LEMD1: variants seen among roughly 807,000 people sequenced by gnomAD.
The protein encoded by LEMD1 is LEM domain-containing protein 1.
A neutral mutation model predicts 17.4 loss-of-function variants in LEMD1; 18 were observed. The ratio of observed to expected loss-of-function variants is 1.04; its 90% confidence interval spans 0.72 to 1.54. The LOEUF is 1.54. LEMD1 is among the 40% of genes most tolerant of loss of function. The pLI is 0.00. For synonymous variants in LEMD1, 88 were observed against 77.8 expected (o/e 1.13, Z -0.69); for missense variants, 195 against 210.4 (o/e 0.93, Z 0.45).
intron 1 of LEMD1, among the ~76,000 whole-genome samples, chr1:205,443,698 T>A (rs1666335244): frequency 6.6e-6 from 1 of 152,102 alleles, no homozygotes; most frequent in Non-Finnish European, 1.5e-5. Context: ...TCTAACAGGG[T>A]CTCTAAAAGG....
At position 205,433,274 on chromosome 1, in the gene LEMD1, T is replaced by C. The variant is rs567386019; in HGVS notation, c.-38-12700A>G. ...GTGTTCGAGACCAGCCTGACCAACA[T>C]GGTGAAACCCCGTCTCTACTAAAAA... is the stretch of plus-strand genomic sequence containing the variant. On this transcript the variant is annotated intron_variant, in intron 1 of 3. Coordinates refer to the LEMD1 transcript ENST00000367154. Among the ~76,000 whole-genome samples, 66 of 152,180 alleles carry C rather than the reference T, an allele frequency of 4.3e-4. 1 individual carries two copies. The highest frequency in any genetic ancestry group is 3.4e-3 in the Middle Eastern group (1 of 294).
intron 4 of LEMD1, among the ~76,000 whole-genome samples, chr1:205,415,093 A>G (rs886375874): frequency 6.6e-6 from 1 of 152,166 alleles, no homozygotes; most frequent in African/African-American, 2.4e-5. Flanking sequence ...GGATAAACCC[A>G]GGCCGCAGAT....
chr1:205,381,975 C>A (rs1376063288), intron 5 of LEMD1, 119 bp from the exon 6 acceptor site: 10 of 864,768 alleles, frequency 1.2e-5, no homozygotes, highest in Non-Finnish European at 1.9e-5. Context: ...TTAGAGGTAG[C>A]CTCTCCTTAC....
chr1:205,419,409 C>G, intron 2 of LEMD1, 57 bp from the exon 3 acceptor site: 1 of 1,579,406 alleles, frequency 6.3e-7, no homozygotes, highest in Non-Finnish European at 8.7e-7. Flanking sequence ...TATGAGCCTA[C>G]TAGGTTCAAG....
intron 4 of LEMD1, among the ~76,000 whole-genome samples, chr1:205,395,080 A>T (rs941919493): frequency 6.6e-6 from 1 of 152,138 alleles, no homozygotes; most frequent in African/African-American, 2.4e-5. Flanking sequence ...TATATAAGTG[A>T]TATTATGTCT....
At chr1:205,420,795 T>C (rs1008455207) in intron 1 of LEMD1, among the ~76,000 whole-genome samples, 1 of 152,222 alleles carries the variant, frequency 6.6e-6, no homozygotes, top group Non-Finnish European at 1.5e-5. Context: ...CCAGTGTCTT[T>C]AGGGCTCAAT....
intron 1 of LEMD1, among the ~76,000 whole-genome samples, chr1:205,442,076 T>C (rs1030502370): frequency 6.6e-6 from 1 of 152,062 alleles, no homozygotes; most frequent in African/African-American, 2.4e-5. Context: ...CCTGGGCCTA[T>C]GGAAAGGGAG....
intron 4 of LEMD1, among the ~76,000 whole-genome samples, chr1:205,396,598 T>A (rs377332477): frequency 0.21 from 32,256 of 151,978 alleles, 3,564 homozygotes; most frequent in Middle Eastern, 0.28. Context: ...TAATTCTATA[T>A]AGCAGTGAAA....
chr1:205,389,935 A>G (rs1664246902), intron 4 of LEMD1, among the ~76,000 whole-genome samples: 2 of 152,342 alleles, frequency 1.3e-5, no homozygotes, highest in Middle Eastern at 3.4e-3. Context: ...TTTTATTTAA[A>G]ACGTTGTGTT....
upstream of LEMD1, among the ~76,000 whole-genome samples, chr1:205,424,489 A>C (rs1666030547): frequency 6.6e-6 from 1 of 152,222 alleles, no homozygotes; most frequent in Non-Finnish European, 1.5e-5. Flanking sequence ...GGAGAGGTAG[A>C]GGAGACTACA....
upstream of LEMD1, among the ~76,000 whole-genome samples, chr1:205,424,928 G>A (rs1286143919): frequency 6.6e-6 from 1 of 152,214 alleles, no homozygotes; most frequent in Non-Finnish European, 1.5e-5. Context: ...ACTCCTTGGA[G>A]GTTATTACAA....
At chr1:205,390,562 T>C (rs768421309) in intron 4 of LEMD1, among the ~76,000 whole-genome samples, 3 of 152,058 alleles carry the variant, frequency 2.0e-5, no homozygotes, top group Non-Finnish European at 4.4e-5. Context: ...GCCAGCACAG[T>C]AAAACAAAAA....
At chr1:205,389,728 A>T (rs1025292277) in intron 4 of LEMD1, among the ~76,000 whole-genome samples, 2 of 152,270 alleles carry the variant, frequency 1.3e-5, no homozygotes, top group Non-Finnish European at 2.9e-5. Context: ...ACACTTTTAC[A>T]AATGACATAG....
intron 4 of LEMD1, among the ~76,000 whole-genome samples, chr1:205,389,088 G>A (rs560031606): frequency 2.6e-5 from 3 of 116,246 alleles, no homozygotes; most frequent in Non-Finnish European, 4.9e-5. Flanking sequence ...TTGCTCTGTC[G>A]CCCAGGCTGG....
At chr1:205,418,700 G>A (rs1043485551) in intron 3 of LEMD1, among the ~76,000 whole-genome samples, 7 of 152,160 alleles carry the variant, frequency 4.6e-5, no homozygotes, top group Non-Finnish European at 7.3e-5. Context: ...ATTTTTAGTA[G>A]AGACGAGGTT....
chr1:205,388,082 C>A (rs1197526615), intron 4 of LEMD1, among the ~76,000 whole-genome samples: 1 of 152,236 alleles, frequency 6.6e-6, no homozygotes, highest in East Asian at 1.9e-4. Flanking sequence ...GCCCCACAGT[C>A]CCTGCCCATA....
chr1:205,423,781 G>GT (rs1157056940), upstream of LEMD1, among the ~76,000 whole-genome samples: 1 of 152,104 alleles, frequency 6.6e-6, no homozygotes, highest in Admixed American at 6.5e-5. Context: ...GCATTAGCTT[G>GT]TTTTTTATTT....
chr1:205,414,937 G>C (rs1665622769), intron 4 of LEMD1, among the ~76,000 whole-genome samples: 1 of 152,152 alleles, frequency 6.6e-6, no homozygotes. Flanking sequence ...AGCAGCAGGG[G>C]GAAGAGACAG....
Position 205,381,539 on chromosome 1 carries a change from G to T in LEMD1, c.*119C>A. Reference sequence around the variant, plus strand: ...CACCGATCTGTGAGAGCAGCACAGTGCAAGGGAAGGCTCCCTGCAAGGGAG... The same window carrying T: ...CACCGATCTGTGAGAGCAGCACAGTTCAAGGGAAGGCTCCCTGCAAGGGAG... On this transcript the variant is annotated 3_prime_UTR_variant, in exon 6 of 6. Transcript: ENST00000367153. 1.0e-6 allele frequency: 1 copy of T among 958,572 alleles called. No homozygotes were observed. The highest frequency in any genetic ancestry group is 1.7e-6 in the Non-Finnish European group (1 of 603,324). The allele number at this position is 958,572 out of a possible 1,614,324, so 59.4% of individuals were successfully genotyped here.
Sources: allele counts gnomAD v4.1 joint callset (sites outside exome capture counted in the v4.1 genomes callset), GRCh38; gene constraint gnomAD v4.1.1; transcripts MANE v1.5; gene names NCBI Gene and HGNC (gene_info 2026-07-23, HGNC 2026-07-21).